The following ANTXR1 variants were observed in gnomAD, a reference collection of about 807,000 sequenced individuals.
The protein encoded by ANTXR1 is anthrax toxin receptor 1.
ANTXR1 carries 19 observed loss-of-function variants against 78.1 expected under a neutral mutation model. The observed-to-expected ratio is 0.24, with a 90% CI of 0.17 to 0.36. The LOEUF (loss-of-function observed/expected upper bound fraction) is 0.36, where lower values mean the gene tolerates loss of function less well. ANTXR1 is among the 10% of genes least tolerant of loss of function. ANTXR1 has a pLI of 1.00. For missense variants in ANTXR1, 518 were observed against 718.6 expected, an observed-to-expected ratio of 0.72 and a Z score of 3.19; for synonymous variants, 273 against 260.5, an observed-to-expected ratio of 1.05 and a Z score of -0.46.
chr2:69,101,942 G>A (rs1016698229), intron 9 of ANTXR1, among the ~76,000 whole-genome samples: 4 of 152,226 alleles, frequency 2.6e-5, no homozygotes, highest in Non-Finnish European at 5.9e-5. Context: ...TCCATGGTAG[G>A]AGTATGGTAA....
At chr2:69,039,922 T>A in intron 1 of ANTXR1, 122 bp from the exon 2 acceptor site, 1 of 774,568 alleles carries the variant, frequency 1.3e-6, no homozygotes, top group South Asian at 1.5e-5. Context: ...TACAGAAGTT[T>A]CAAGTAATGA....
chr2:69,159,480 A>T (rs554972653), intron 13 of ANTXR1, among the ~76,000 whole-genome samples: 1 of 152,298 alleles, frequency 6.6e-6, no homozygotes, highest in Non-Finnish European at 1.5e-5. Context: ...TAAACTGTAC[A>T]CTTAAAAATA....
intron 17 of ANTXR1, among the ~76,000 whole-genome samples, chr2:69,210,935 C>CAAAAAAAAAAAAAAA (rs1159790329): frequency 2.3e-5 from 1 of 43,540 alleles, no homozygotes; most frequent in Non-Finnish European, 5.6e-5. Flanking sequence ...GACTCCATCA[C>CAAAAAAAAAAAAAAA]AAAAAAAAAA....
intron 13 of ANTXR1, among the ~76,000 whole-genome samples, chr2:69,157,553 C>G (rs955922383): frequency 3.3e-5 from 5 of 152,134 alleles, no homozygotes; most frequent in Non-Finnish European, 7.4e-5. Flanking sequence ...AGACTAGGGA[C>G]TGCAGAGCAA....
At chr2:69,054,972 G>T (rs1670028109) in intron 3 of ANTXR1, among the ~76,000 whole-genome samples, 1 of 152,134 alleles carries the variant, frequency 6.6e-6, no homozygotes, top group South Asian at 2.1e-4. Flanking sequence ...CCATAGGCAA[G>T]TGTCTTGCCT....
At chr2:69,040,210 G>A (rs1669573912) in intron 2 of ANTXR1, 95 bp downstream of exon 2, 2 of 1,167,664 alleles carry the variant, frequency 1.7e-6, no homozygotes, top group African/African-American at 1.5e-5. Flanking sequence ...CATACTTTGG[G>A]GATGTTTTTT....
At chr2:69,121,667 A>G (rs1328297209) in intron 10 of ANTXR1, among the ~76,000 whole-genome samples, 3 of 152,214 alleles carry the variant, frequency 2.0e-5, no homozygotes, top group South Asian at 2.1e-4. Context: ...TTAATAATAT[A>G]TGTATTCCTT....
At chr2:69,052,394 A>C (rs549265990) in intron 3 of ANTXR1, among the ~76,000 whole-genome samples, 1 of 152,084 alleles carries the variant, frequency 6.6e-6, no homozygotes, top group Non-Finnish European at 1.5e-5. Flanking sequence ...TTTCCATTGA[A>C]TATAAAGCTC....
At chr2:69,053,568 C>T (rs1051202839) in intron 3 of ANTXR1, among the ~76,000 whole-genome samples, 9 of 152,126 alleles carry the variant, frequency 5.9e-5, no homozygotes, top group African/African-American at 2.2e-4. Flanking sequence ...AGTGAAGAAA[C>T]ATTTTCTCTA....
At chr2:69,075,212 C>T (rs1399814839) in intron 6 of ANTXR1, among the ~76,000 whole-genome samples, 1 of 152,148 alleles carries the variant, frequency 6.6e-6, no homozygotes, top group East Asian at 1.9e-4. Context: ...GTTCCAAAGG[C>T]CCCATTCTTT....
chr2:69,115,620 T>A (rs995255620), intron 10 of ANTXR1, among the ~76,000 whole-genome samples: 1 of 152,196 alleles, frequency 6.6e-6, no homozygotes, highest in African/African-American at 2.4e-5. Flanking sequence ...GTGTTCTCCA[T>A]TCTACTCCAG....
rs532068771 is a variant in ANTXR1, at chr2:69,197,093, C to T, written c.1434+3678C>T. Reference sequence around the variant, plus strand: ...CGAGTGTTTTCCATCTGCCATCACCCGTCTCCCTCTTTTTGCCTGCGGTGG... The same window carrying T: ...CGAGTGTTTTCCATCTGCCATCACCTGTCTCCCTCTTTTTGCCTGCGGTGG... On this transcript the variant is annotated intron_variant, in intron 17 of 17. Coordinates refer to ENST00000303714, the MANE Select transcript of ANTXR1 (RefSeq NM_032208.3). 5.0e-4 allele frequency among the ~76,000 whole-genome samples: 76 copies of T among 152,334 alleles called. 1 individual carries two copies. Among genetic ancestry groups the T allele is most frequent in the African/African-American group, 1.6e-3 (68 of 41,580 alleles).
chr2:69,180,644 A>G (rs563351563), intron 14 of ANTXR1, among the ~76,000 whole-genome samples: 2 of 152,362 alleles, frequency 1.3e-5, no homozygotes, highest in South Asian at 4.1e-4. Flanking sequence ...TTCAACAGAT[A>G]ATTCTTGGGC....
chr2:69,072,929 G>A, intron 5 of ANTXR1, 93 bp from the exon 6 acceptor site: 1 of 1,267,512 alleles, frequency 7.9e-7, no homozygotes, highest in East Asian at 2.3e-5. Context: ...ACTTTGGGTG[G>A]TTGAACTCGT....
intron 15 of ANTXR1, chr2:69,182,108 G>T: frequency 1.7e-6 from 1 of 582,142 alleles, no homozygotes; most frequent in East Asian, 3.0e-5. Flanking sequence ...GAGATAGGAG[G>T]GACAGCCTTT....
At position 69,154,952 on chromosome 2, in the gene ANTXR1, T is replaced by C. The variant is rs77878250; in HGVS notation, c.1047+2688T>C. Among the ~76,000 whole-genome samples the C allele has an allele frequency of 5.0e-3, 757 of 152,332 alleles. 8 individuals are homozygous for C. Among genetic ancestry groups the C allele is most frequent in the African/African-American group, 0.017 (723 of 41,576 alleles). The stretch of plus-strand genomic sequence containing the variant: ...AGTTACTAGCTACAAAGGCCAGTTT[T>C]AGATGTACTGGCCAGGATGAGCAGA... On this transcript the variant is annotated intron_variant, in intron 13 of 17. Transcript: ENST00000303714.
chr2:69,072,213 C>T (rs958874128), intron 5 of ANTXR1, among the ~76,000 whole-genome samples: 1 of 152,112 alleles, frequency 6.6e-6, no homozygotes. Context: ...TTGATTTAAA[C>T]TTTCCTATAT....
intron 10 of ANTXR1, among the ~76,000 whole-genome samples, chr2:69,119,903 A>G (rs908126221): frequency 6.6e-6 from 1 of 152,208 alleles, no homozygotes; most frequent in African/African-American, 2.4e-5. Flanking sequence ...AGAAGTTTAA[A>G]TTTGACTAAG....
chr2:69,076,234 C>T (rs77426233), intron 7 of ANTXR1, among the ~76,000 whole-genome samples: 1,705 of 152,226 alleles, frequency 0.011, 36 homozygotes, highest in African/African-American at 0.039. Context: ...AACATGGCCT[C>T]CTAAAGTGTT....
Sources: gnomAD v4.1 joint callset for allele counts (sites outside exome capture counted in the v4.1 genomes callset) on GRCh38, gnomAD v4.1.1 for gene constraint, MANE v1.5 for transcripts, NCBI Gene and HGNC (gene_info 2026-07-23, HGNC 2026-07-21) for gene names.